Variants in HEMGN observed in about 807,000 individuals in gnomAD.
HEMGN encodes the protein erythroid differentiation-associated gene protein.
A neutral mutation model predicts 45.7 loss-of-function variants in HEMGN; 32 were observed. The ratio of observed to expected loss-of-function variants is 0.70; its 90% CI spans 0.53 to 0.94. The LOEUF (loss-of-function observed/expected upper bound fraction) is 0.94. HEMGN is among the 40% of genes least tolerant of loss of function. HEMGN has a pLI of 0.00. For missense variants in HEMGN, 530 were observed against 564.2 expected (o/e 0.94, Z 0.61); for synonymous variants, 183 against 178.6 (o/e 1.02, Z -0.20).
At chr9:97,937,223 CTTTTA>C (rs998730292) in intron 1 of HEMGN, among the ~76,000 whole-genome samples, 5 of 151,846 alleles carry the variant, frequency 3.3e-5, no homozygotes, top group African/African-American at 1.2e-4. Context: ...TTTTTTTCAA[CTTTTA>C]TTTTAAGTTC....
chr9:97,934,714 G>A (rs1827026037), intron 2 of HEMGN, among the ~76,000 whole-genome samples: 2 of 152,158 alleles, frequency 1.3e-5, no homozygotes, highest in Admixed American at 1.3e-4. Flanking sequence ...GGTTATGGAG[G>A]TGGGGCAAAT....
upstream of HEMGN, among the ~76,000 whole-genome samples, chr9:97,938,754 A>G (rs1256111939): frequency 6.6e-6 from 1 of 152,202 alleles, no homozygotes. Flanking sequence ...AAAATAATGT[A>G]CAGTTTTGCT....
At chr9:97,936,337 T>C in intron 1 of HEMGN, 73 bp from the exon 2 acceptor site, 1 of 977,490 alleles carries the variant, frequency 1.0e-6, no homozygotes, top group Non-Finnish European at 1.6e-6. Flanking sequence ...TGTAGCCAAG[T>C]GGCAGAGTCT....
chr9:97,930,845 G>A lies in HEMGN; in HGVS notation c.550C>T (p.Gln184Ter). The change falls in exon 3 of 4, where the codon CAA becomes TAA. Residue 184 changes from glutamine to a stop codon, truncating the protein, a stop_gained. Coordinates refer to ENST00000616898, the MANE Select transcript of HEMGN (RefSeq NM_197978.3). LOFTEE classifies it high-confidence loss of function. ...TGGCATATTTTGGAAGAATTGTCTT[G>A]AAGTACAGATATTTCTTGGTACATT... ...PKMYQEISVL[Q>*]DNSSKICQDM... The A allele has an allele frequency of 6.2e-7, 1 of 1,614,068 alleles. No homozygotes were observed. Among genetic ancestry groups the A allele is most frequent in the Non-Finnish European group, 8.5e-7 (1 of 1,179,964 alleles).
At chr9:97,944,807 A>G (rs1445759684) in exon 1 of HEMGN, 1 of 152,138 alleles carries the variant, frequency 6.6e-6, no homozygotes, top group Admixed American at 6.6e-5. Context: ...CACCCACAGT[A>G]CCTATCTTCA....
intron 2 of HEMGN, among the ~76,000 whole-genome samples, chr9:97,933,742 G>A (rs527237742): frequency 7.9e-5 from 12 of 152,286 alleles, no homozygotes; most frequent in Non-Finnish European, 1.6e-4. Flanking sequence ...CATGCACTCT[G>A]CTGCCTCTCT....
intron 1 of HEMGN, 71 bp downstream of exon 1, chr9:97,937,987 T>A: frequency 1.3e-6 from 1 of 795,048 alleles, no homozygotes; most frequent in Non-Finnish European, 2.0e-6. Context: ...GCCAGATCCA[T>A]TGAAAAGAGA....
chr9:97,928,699 TA>T (rs1826879327), intron 3 of HEMGN, among the ~76,000 whole-genome samples: 1 of 152,218 alleles, frequency 6.6e-6, no homozygotes, highest in Non-Finnish European at 1.5e-5. Flanking sequence ...GTTAACTAAA[TA>T]AATGTTATTC....
At chr9:97,937,479 G>T (rs540658178) in intron 1 of HEMGN, among the ~76,000 whole-genome samples, 105 of 151,936 alleles carry the variant, frequency 6.9e-4, no homozygotes, top group African/African-American at 2.4e-3. Context: ...TGACTTATTT[G>T]ACTTGATACT....
At position 97,930,404 on chromosome 9, in the gene HEMGN, C is replaced by T. The variant is rs1451210817; in HGVS notation, c.991G>A (p.Glu331Lys). Residue 331 changes from glutamate (E) to lysine (K), a missense_variant, in exon 3 of 4, where the codon GAA (glutamate) becomes AAA (lysine). By Grantham distance (56) the Glu-to-Lys change is moderately conservative (BLOSUM62 1). Coordinates refer to ENST00000616898, the MANE Select transcript of HEMGN (RefSeq NM_197978.3). Reference sequence around the variant, plus strand: ...GAGGGGGCTTTAGGCACAATAATTTCGTTACATGTTTTATGAGGAAGGTAT... The same window carrying T: ...GAGGGGGCTTTAGGCACAATAATTTTGTTACATGTTTTATGAGGAAGGTAT... ...PKYLPHKTCNEIIVPKAPSHK... is the reference protein window; with the variant it reads ...PKYLPHKTCNKIIVPKAPSHK... 41 of 1,613,818 alleles carry T rather than the reference C, an allele frequency of 2.5e-5. No homozygotes were observed. The highest frequency in any genetic ancestry group is 6.7e-5 in the African/African-American group (5 of 74,870).
rs749208146 is a variant in HEMGN, at chr9:97,930,308, A to G, written c.1087T>C (p.Ser363Pro). 3.7e-6 allele frequency: 6 copies of G among 1,613,746 alleles called. No homozygotes were observed. In the Admixed American group the frequency reaches 8.3e-5, roughly 22 times the overall value. Reference sequence around the variant, plus strand: ...TACGTTTCAGGTGAATATTTTTCAGACCCAGGAGTTTCTTGGTTTATTTCA... The same window carrying G: ...TACGTTTCAGGTGAATATTTTTCAGGCCCAGGAGTTTCTTGGTTTATTTCA... ...SIEINQETPG[S>P]EKYSPETYQE... Residue 363 changes from serine (S) to proline (P), a missense_variant, in exon 3 of 4, where the codon TCT becomes CCT. Physicochemically the swap from Ser to Pro is moderately conservative, Grantham distance 74. Coordinates refer to ENST00000616898, the MANE Select transcript of HEMGN (RefSeq NM_197978.3).
At position 97,927,378 on chromosome 9, in the gene HEMGN, G is replaced by A. The variant is rs1305797204; in HGVS notation, c.*6C>T. The A allele has an allele frequency of 2.0e-6, 3 of 1,526,246 alleles. No individual in the cohort carries two copies. The highest frequency in any genetic ancestry group is 2.7e-5 in the African/African-American group (2 of 73,298). 94.5% of individuals were successfully genotyped at this position (1,526,246 alleles called of 1,614,324 possible). A position where few individuals can be genotyped will look rare whatever the true frequency, so the allele number is the denominator to read the frequency against. On this transcript the variant is annotated 3_prime_UTR_variant, in exon 4 of 4. Transcript: ENST00000616898. Reference sequence around the variant, plus strand: ...CATTGGACCACAACTTTATGGTTGAGCATTGTTAAAACAAAACATAACTAT... The same window carrying A: ...CATTGGACCACAACTTTATGGTTGAACATTGTTAAAACAAAACATAACTAT...
Position 97,930,448 on chromosome 9 carries a change from T to C in HEMGN, c.947A>G (p.Gln316Arg). ...EPKDLSTKTHQESAEPKYLPH... is the reference protein window; with the variant it reads ...EPKDLSTKTHRESAEPKYLPH... ...AAGGTATTTAGGTTCAGCTGATTCTTGGTGTGTTTTTGTAGAAAGGTCTTT... is the reference window on the plus strand; with the variant it reads ...AAGGTATTTAGGTTCAGCTGATTCTCGGTGTGTTTTTGTAGAAAGGTCTTT... The change falls in exon 3 of 4, where the codon CAA becomes CGA. Residue 316 changes from glutamine to arginine, a missense_variant. Gln to Arg is a conservative substitution (Grantham distance 43). Transcript: ENST00000616898. 1 of 1,614,180 alleles carries C rather than the reference T, an allele frequency of 6.2e-7. No individual in the cohort carries two copies. The highest frequency in any genetic ancestry group is 1.3e-5 in the African/African-American group (1 of 75,052).
chr9:97,943,463 A>G (rs1342365532), intron 1 of HEMGN, among the ~76,000 whole-genome samples: 1 of 152,216 alleles, frequency 6.6e-6, no homozygotes, highest in African/African-American at 2.4e-5. Context: ...ATGATAAATG[A>G]CTTCTGTCTG....
Position 97,930,314 on chromosome 9 carries a change from G to T in HEMGN, c.1081C>A (p.Pro361Thr), listed in dbSNP as rs1372518143. The T allele has an allele frequency of 6.2e-7, 1 of 1,613,796 alleles. No homozygotes were observed. Among genetic ancestry groups the T allele is most frequent in the South Asian group, 1.1e-5 (1 of 90,996 alleles). The stretch of plus-strand genomic sequence containing the variant: ...TCAGGTGAATATTTTTCAGACCCAG[G>T]AGTTTCTTGGTTTATTTCAATTGAA... The part of the protein sequence containing the change: ...DYSIEINQET[P>T]GSEKYSPETY... Residue 361 changes from proline (P) to threonine (T), a missense_variant, in exon 3 of 4, where the codon CCT becomes ACT. Transcript: ENST00000616898.
upstream of HEMGN, among the ~76,000 whole-genome samples, chr9:97,938,879 T>C (rs1307292415): frequency 6.6e-6 from 1 of 152,200 alleles, no homozygotes; most frequent in African/African-American, 2.4e-5. Flanking sequence ...TCAAGATAAC[T>C]AGTGAAATCC....
chr9:97,928,127 C>T lies in HEMGN; in HGVS notation c.1361-649G>A, dbSNP rs527907997. 4.6e-5 allele frequency among the ~76,000 whole-genome samples: 7 copies of T among 151,598 alleles called. No homozygotes were observed. The East Asian group carries it at 7.8e-4, about 17-fold the overall frequency. Reference sequence around the variant, plus strand: ...CTGCAAGCTCCGCCTCCCGGGTTCACGCCATTCTCCTGCTTCAGCCTCCCG... The same window carrying T: ...CTGCAAGCTCCGCCTCCCGGGTTCATGCCATTCTCCTGCTTCAGCCTCCCG... On this transcript the variant is annotated intron_variant, in intron 3 of 3. Transcript: ENST00000616898.
chr9:97,934,453 GGGGGA>G (rs1176597904), intron 2 of HEMGN, among the ~76,000 whole-genome samples: 10 of 103,138 alleles, frequency 9.7e-5, no homozygotes, highest in Admixed American at 8.2e-4. Flanking sequence ...GGGAGGGGAG[GGGGGA>G]GGGGAGGGGA....
intron 1 of HEMGN, among the ~76,000 whole-genome samples, chr9:97,936,839 A>G (rs879491280): frequency 2.6e-5 from 4 of 152,170 alleles, no homozygotes; most frequent in Non-Finnish European, 5.9e-5. Context: ...TTTGCCTTGT[A>G]TATCAAATTA....
Sources: allele counts gnomAD v4.1 joint callset (sites outside exome capture counted in the v4.1 genomes callset), GRCh38; gene constraint gnomAD v4.1.1; transcripts MANE v1.5; gene names NCBI Gene and HGNC (gene_info 2026-07-23, HGNC 2026-07-21).